The following MYBPC1 variants were observed in gnomAD, a reference collection of about 807,000 sequenced individuals.
MYBPC1 encodes myosin binding protein C1, also known as myosin-binding protein C, slow-type.
Under a neutral mutation model 147.1 loss-of-function variants are expected in MYBPC1, and 52 were observed. That is an observed-to-expected ratio of 0.35 (90% CI 0.28 to 0.45). The LOEUF is 0.45. Among genes scored for constraint, MYBPC1 ranks in the 20% least tolerant of loss-of-function variants. The pLI is 1.00. For missense variants in MYBPC1, 1,228 were observed against 1,440.3 expected (o/e 0.85, Z 2.39); for synonymous variants, 477 against 475.9 (o/e 1.00, Z -0.03).
Position 101,685,700 on chromosome 12 carries a change from G to C in MYBPC1, c.*138G>C. 6.8e-7 allele frequency: 1 copy of C among 1,465,410 alleles called. No individual in the cohort carries two copies. 90.8% of individuals were successfully genotyped at this position (1,465,410 alleles called of 1,614,324 possible). ...AATACTGAGGGAGGGCCTGGCTACTGTCTCTCTGCACTCTGCTGCTTTGAA... is the reference window on the plus strand; with the variant it reads ...AATACTGAGGGAGGGCCTGGCTACTCTCTCTCTGCACTCTGCTGCTTTGAA... On this transcript the variant is annotated 3_prime_UTR_variant, in exon 32 of 32. Transcript: ENST00000361466.
intron 18 of MYBPC1, among the ~76,000 whole-genome samples, chr12:101,659,138 T>C (rs1054536932): frequency 3.3e-5 from 5 of 152,254 alleles, no homozygotes; most frequent in Non-Finnish European, 7.3e-5. Flanking sequence ...TTTTATGTTT[T>C]TACTAGAAAA....
At chr12:101,674,862 CAAAA>C (rs62824364) in intron 25 of MYBPC1, among the ~76,000 whole-genome samples, 1 of 59,864 alleles carries the variant, frequency 1.7e-5, no homozygotes, top group South Asian at 6.9e-4. Context: ...ACTCTGTCTC[CAAAA>C]AAAAAAAAAA....
intron 11 of MYBPC1, among the ~76,000 whole-genome samples, chr12:101,644,371 G>A (rs760103029): frequency 6.6e-6 from 1 of 152,122 alleles, no homozygotes. Flanking sequence ...TCATCTGAAC[G>A]CTTTATAGTG....
chr12:101,603,111 G>C (rs915285186), intron 1 of MYBPC1, among the ~76,000 whole-genome samples: 1 of 152,044 alleles, frequency 6.6e-6, no homozygotes, highest in African/African-American at 2.4e-5. Context: ...TTGGGAGGCT[G>C]AGGTGGGAGG....
rs185718176 is a variant in MYBPC1, at chr12:101,670,038, A to C, written c.2525-283A>C. 6.3e-4 allele frequency: 331 copies of C among 524,464 alleles called. 1 individual carries two copies. The highest frequency in any genetic ancestry group is 2.8e-4 in the Non-Finnish European group (81 of 289,602). 32.5% of individuals were successfully genotyped at this position (524,464 alleles called of 1,614,324 possible). ...AAGTTGCTTTAGGCTTATTACAACA[A>C]TAAAAATACAAAGTTGCAATAAAGC... is the stretch of plus-strand genomic sequence containing the variant. On this transcript the variant is annotated intron_variant, in intron 23 of 31. Coordinates refer to ENST00000361466, the MANE Select transcript of MYBPC1 (RefSeq NM_002465.4).
At chr12:101,693,108 G>A in the MYBPC1 span, among the ~76,000 whole-genome samples, 9 of 151,776 alleles carry the variant, frequency 5.9e-5, no homozygotes, top group Admixed American at 2.6e-4. Context: ...CACCACGCGC[G>A]GCTAATTTTT....
chr12:101,677,445 A>G (rs760115958), intron 27 of MYBPC1, 51 bp downstream of exon 27: 2 of 1,602,588 alleles, frequency 1.2e-6, no homozygotes, highest in African/African-American at 2.7e-5. Flanking sequence ...CAGTGACCAG[A>G]CAGAGAAGAC....
intron 3 of MYBPC1, among the ~76,000 whole-genome samples, chr12:101,626,088 C>CA (rs769008600): frequency 0.059 from 3,227 of 54,668 alleles, 205 homozygotes; most frequent in African/African-American, 0.14. Flanking sequence ...AACTCTGTCT[C>CA]AAAAAAAAAA....
intron 3 of MYBPC1, among the ~76,000 whole-genome samples, chr12:101,624,683 A>ATTTTTTTTTTT (rs57175970): frequency 0.013 from 1,268 of 99,028 alleles, 57 homozygotes; most frequent in Middle Eastern, 0.025. Flanking sequence ...CGGCTAATTA[A>ATTTTTTTTTTT]TTTTTTTTTT....
intron 28 of MYBPC1, among the ~76,000 whole-genome samples, chr12:101,679,076 G>A (rs189426342): frequency 5.3e-5 from 8 of 151,912 alleles, no homozygotes; most frequent in Admixed American, 1.3e-4. Context: ...ATGAACCTGG[G>A]AGGTGGAGGT....
At chr12:101,604,604 T>C (rs1263715222) in intron 1 of MYBPC1, among the ~76,000 whole-genome samples, 41 of 152,148 alleles carry the variant, frequency 2.7e-4, no homozygotes, top group Admixed American at 2.7e-3. Flanking sequence ...CTTTAAAAAA[T>C]AAAGTACAGT....
At chr12:101,614,584 A>G in intron 2 of MYBPC1, 53 bp downstream of exon 2, 9 of 1,595,268 alleles carry the variant, frequency 5.6e-6, no homozygotes, top group South Asian at 1.1e-5. Context: ...CAGAGGGTCC[A>G]TCCCAGCATG....
chr12:101,629,835 T>C (rs1889508949), intron 6 of MYBPC1, among the ~76,000 whole-genome samples: 1 of 151,592 alleles, frequency 6.6e-6, no homozygotes, highest in African/African-American at 2.4e-5. Context: ...ATCGCGCCAC[T>C]GCATTCCAGG....
At chr12:101,613,362 A>AAAT (rs1463704619) in intron 1 of MYBPC1, among the ~76,000 whole-genome samples, 7 of 152,204 alleles carry the variant, frequency 4.6e-5, no homozygotes, top group African/African-American at 1.7e-4. Flanking sequence ...TTGTGGAAAA[A>AAAT]AATGTGGAAA....
intron 29 of MYBPC1, among the ~76,000 whole-genome samples, chr12:101,680,999 G>A (rs1411878391): frequency 1.3e-5 from 2 of 152,032 alleles, no homozygotes; most frequent in Non-Finnish European, 2.9e-5. Flanking sequence ...AAATAGTTTT[G>A]CTAATTAAGT....
chr12:101,661,475 T>C (rs1311122167), intron 20 of MYBPC1, among the ~76,000 whole-genome samples: 2 of 152,214 alleles, frequency 1.3e-5, no homozygotes, highest in Non-Finnish European at 2.9e-5. Flanking sequence ...TGCTGGTTTC[T>C]TTTTTTGTTT....
At chr12:101,641,792 A>T (rs1298213725) in intron 10 of MYBPC1, among the ~76,000 whole-genome samples, 1 of 151,888 alleles carries the variant, frequency 6.6e-6, no homozygotes, top group African/African-American at 2.4e-5. Context: ...CATAAAAACC[A>T]TGTGAAAAAC....
rs750933739 is a variant in MYBPC1 at position 101,614,511 on chromosome 12, C to G, written c.41C>G (p.Ala14Gly). ...PTKKEENEVPAPAPPPEEPSK... is the reference protein window; with the variant it reads ...PTKKEENEVPGPAPPPEEPSK... ...CCATTTCTAGAAAATGAAGTGCCAGCCCCAGCCCCACCCCCGGAAGGTGAG... is the reference window on the plus strand; with the variant it reads ...CCATTTCTAGAAAATGAAGTGCCAGGCCCAGCCCCACCCCCGGAAGGTGAG... Residue 14 changes from alanine (A) to glycine (G), a missense_variant, in exon 2 of 32, where the codon GCC (alanine) becomes GGC (glycine). By Grantham distance (60) the Ala-to-Gly change is moderately conservative. This residue lies in a region of MYBPC1 where 151 missense variants were observed against 126.1 expected (regional missense o/e 1.20). Coordinates refer to ENST00000361466, the MANE Select transcript of MYBPC1 (RefSeq NM_002465.4). 7.4e-6 allele frequency: 12 copies of G among 1,613,676 alleles called. No homozygotes were observed. Among genetic ancestry groups the G allele is most frequent in the Non-Finnish European group, 1.7e-6 (2 of 1,179,900 alleles).
chr12:101,614,376 C>G (rs1885298871), intron 1 of MYBPC1, 120 bp from the exon 2 acceptor site: 7 of 1,011,404 alleles, frequency 6.9e-6, no homozygotes, highest in Non-Finnish European at 1.1e-5. Flanking sequence ...TCCTCCATCC[C>G]TCTTGTGAGT....
Sources: allele counts gnomAD v4.1 joint callset (sites outside exome capture counted in the v4.1 genomes callset), GRCh38; gene constraint gnomAD v4.1.1; regional missense constraint gnomAD v4.1.1; transcripts MANE v1.5; gene names NCBI Gene and HGNC (gene_info 2026-07-23, HGNC 2026-07-21).